NCKAP5: variants seen among roughly 807,000 people sequenced by gnomAD.
NCKAP5 encodes the protein nck-associated protein 5.
NCKAP5 carries 92 observed loss-of-function variants against 167.0 expected under a neutral mutation model. The observed-to-expected ratio is 0.55, with a 90% confidence interval of 0.47 to 0.66. NCKAP5 has a LOEUF of 0.66. Ranked by LOEUF, NCKAP5 falls within the 30% of genes least tolerant of loss-of-function variation. The probability of loss-of-function intolerance (pLI) is 0.00; values close to 1 mark genes in which losing one functional copy is unlikely to be tolerated. For synonymous variants in NCKAP5, 891 were observed against 877.4 expected, an observed-to-expected ratio of 1.02 and a Z score of -0.27; for missense variants, 2,378 against 2,315.0, an observed-to-expected ratio of 1.03 and a Z score of -0.56.
chr2:132,728,898 G>A lies in NCKAP5; in HGVS notation c.5498C>T (p.Ser1833Leu), dbSNP rs1214637907. 7 of 1,613,890 alleles carry A rather than the reference G, an allele frequency of 4.3e-6. No individual in the cohort carries two copies. Among genetic ancestry groups the A allele is most frequent in the Non-Finnish European group, 5.9e-6 (7 of 1,179,884 alleles). ...NEAEPRPQTC[S>L]SFGYAEDPMA... ...TGGGTCTTCAGCATATCCGAATGAT[G>A]AGCATGTCTGAGGCCTTGGCTCTGC... Residue 1833 changes from serine to leucine, a missense_variant, in exon 18 of 20, where the codon TCA becomes TTA. Physicochemically the swap from Ser to Leu is moderately radical, Grantham distance 145 (BLOSUM62 -2). This residue lies in a region of NCKAP5 where 1,325 missense variants were observed against 1,274.5 expected (regional missense o/e 1.04). Coordinates refer to ENST00000409261, the MANE Select transcript of NCKAP5 (RefSeq NM_207363.3).
chr2:133,453,697 A>G (rs578225560), intron 3 of NCKAP5, among the ~76,000 whole-genome samples: 27 of 152,136 alleles, frequency 1.8e-4, no homozygotes, highest in Non-Finnish European at 3.1e-4. Flanking sequence ...GAAAGGTTAT[A>G]TATCCAACGT....
intron 6 of NCKAP5, among the ~76,000 whole-genome samples, chr2:133,126,532 G>T (rs1021218233): frequency 4.6e-5 from 7 of 152,108 alleles, no homozygotes; most frequent in African/African-American, 1.7e-4. Context: ...TTGAAAAACT[G>T]CTCAACTTTC....
At chr2:132,805,011 C>A (rs1685324692) in intron 11 of NCKAP5, among the ~76,000 whole-genome samples, 1 of 151,912 alleles carries the variant, frequency 6.6e-6, no homozygotes, top group South Asian at 2.1e-4. Context: ...ATGTTAAGCC[C>A]ACAATTTGAG....
chr2:133,167,765 T>C (rs2084060697), intron 5 of NCKAP5, among the ~76,000 whole-genome samples: 1 of 152,160 alleles, frequency 6.6e-6, no homozygotes, highest in African/African-American at 2.4e-5. Flanking sequence ...AAAATGTCAT[T>C]TGATCACATG....
chr2:133,380,354 AT>A (rs758642939), intron 3 of NCKAP5, among the ~76,000 whole-genome samples: 11 of 152,108 alleles, frequency 7.2e-5, no homozygotes, highest in Non-Finnish European at 1.0e-4. Context: ...AACAATTAGA[AT>A]TTTTTTAATG....
At chr2:133,451,930 C>G (rs1691576546) in intron 3 of NCKAP5, among the ~76,000 whole-genome samples, 1 of 152,150 alleles carries the variant, frequency 6.6e-6, no homozygotes, top group Non-Finnish European at 1.5e-5. Context: ...AGCACAATTA[C>G]ACACACACAT....
intron 3 of NCKAP5, among the ~76,000 whole-genome samples, chr2:133,398,454 G>A (rs1687895605): frequency 6.6e-6 from 1 of 152,018 alleles, no homozygotes; most frequent in Non-Finnish European, 1.5e-5. Context: ...TTAGAGTGGT[G>A]CATTTTAATA....
intron 6 of NCKAP5, among the ~76,000 whole-genome samples, chr2:133,037,692 G>T (rs1332173000): frequency 6.6e-6 from 1 of 152,026 alleles, no homozygotes; most frequent in African/African-American, 2.4e-5. Context: ...ACTACTACAA[G>T]AAAATAAATA....
the NCKAP5 span, among the ~76,000 whole-genome samples, chr2:133,632,851 A>G: frequency 3.3e-5 from 5 of 152,230 alleles, no homozygotes; most frequent in East Asian, 1.9e-4. Flanking sequence ...GAGAAAGACA[A>G]TTGGTGCTGT....
At chr2:133,034,920 A>G (rs1476272946) in intron 6 of NCKAP5, among the ~76,000 whole-genome samples, 1 of 152,028 alleles carries the variant, frequency 6.6e-6, no homozygotes, top group Non-Finnish European at 1.5e-5. Context: ...ACTTGTCAAT[A>G]ATAACACAAT....
intron 8 of NCKAP5, among the ~76,000 whole-genome samples, chr2:132,954,030 A>G (rs2076271317): frequency 6.6e-6 from 1 of 152,230 alleles, no homozygotes; most frequent in Non-Finnish European, 1.5e-5. Context: ...TGAGAGTTGG[A>G]GAAAGCTTTC....
chr2:133,585,538 G>T, the NCKAP5 span, among the ~76,000 whole-genome samples: 3 of 152,150 alleles, frequency 2.0e-5, no homozygotes, highest in African/African-American at 7.2e-5. Flanking sequence ...CTATTCTCTT[G>T]AAATGAACAT....
At chr2:132,836,136 A>G (rs1687871821) in intron 11 of NCKAP5, among the ~76,000 whole-genome samples, 1 of 152,188 alleles carries the variant, frequency 6.6e-6, no homozygotes, top group South Asian at 2.1e-4. Context: ...CTGCTGCTCA[A>G]AAATGCTCTT....
chr2:132,725,692 T>G lies in NCKAP5; in HGVS notation c.5648A>C (p.Tyr1883Ser), dbSNP rs115870441. Residue 1883 changes from tyrosine to serine, a missense_variant, in exon 19 of 20, where the codon TAT (tyrosine) becomes TCT (serine). Around this residue, in one of 3 missense-constraint regions of NCKAP5, gnomAD observed 1,325 missense variants for 1,274.5 expected, o/e 1.04. Coordinates refer to ENST00000409261, the MANE Select transcript of NCKAP5 (RefSeq NM_207363.3). Reference sequence around the variant, plus strand: ...TCCAGCTCCAAAACCATTATCTCCATAGTCCAGGTCACTGTCACTATTACT... The same window carrying G: ...TCCAGCTCCAAAACCATTATCTCCAGAGTCCAGGTCACTGTCACTATTACT... ...GGSNSDSDLD[Y>S]GDNGFGAGRG... 1.2e-6 allele frequency: 2 copies of G among 1,613,490 alleles called. No homozygotes were observed. Among genetic ancestry groups the G allele is most frequent in the Non-Finnish European group, 1.7e-6 (2 of 1,179,730 alleles).
chr2:133,281,227 C>T (rs1429183390), intron 4 of NCKAP5, among the ~76,000 whole-genome samples: 3 of 152,178 alleles, frequency 2.0e-5, no homozygotes, highest in Non-Finnish European at 2.9e-5. Context: ...AATTAAAATA[C>T]AGTGCTCCTA....
the NCKAP5 span, among the ~76,000 whole-genome samples, chr2:133,580,967 C>A: frequency 1.3e-5 from 2 of 152,014 alleles, no homozygotes; most frequent in Non-Finnish European, 1.5e-5. Context: ...TTGTTTCTTC[C>A]CTTTTCTTCC....
At chr2:132,731,492 T>C (rs1402627339) in intron 17 of NCKAP5, among the ~76,000 whole-genome samples, 2 of 152,230 alleles carry the variant, frequency 1.3e-5, no homozygotes, top group East Asian at 3.8e-4. Flanking sequence ...CTTAATCAGT[T>C]CATATATCCA....
At position 132,731,983 on chromosome 2, in the gene NCKAP5, G is replaced by A. The variant is rs202084151; in HGVS notation, c.5197C>T (p.Arg1733Cys). Residue 1733 changes from arginine (R) to cysteine (C), a missense_variant, in exon 17 of 20, where the codon CGC (arginine) becomes TGC (cysteine). By Grantham distance (180) the Arg-to-Cys change is radical. Coordinates refer to ENST00000409261, the MANE Select transcript of NCKAP5 (RefSeq NM_207363.3). ...GTFPLPDSGN[R>C]STGRYLCQPD... ...TGGCATAGGTAGCGTCCTGTCGAGC[G>A]ATTTCCCGAGTCTGGGAGTGGAAAG... 28 of 1,613,676 alleles carry A rather than the reference G, an allele frequency of 1.7e-5. No individual in the cohort carries two copies. The highest frequency in any genetic ancestry group is 2.0e-5 in the Non-Finnish European group (24 of 1,179,866).
At chr2:133,671,800 T>C in the NCKAP5 span, among the ~76,000 whole-genome samples, 1 of 152,176 alleles carries the variant, frequency 6.6e-6, no homozygotes. Flanking sequence ...ATATCCAGCT[T>C]TGTGATAGTG....
Sources: allele counts gnomAD v4.1 joint callset (sites outside exome capture counted in the v4.1 genomes callset), GRCh38; gene constraint gnomAD v4.1.1; regional missense constraint gnomAD v4.1.1; transcripts MANE v1.5; gene names NCBI Gene and HGNC (gene_info 2026-07-23, HGNC 2026-07-21).